Variants in APBB1 observed in about 807,000 individuals in gnomAD.
APBB1 encodes amyloid beta precursor protein binding family B member 1.
A neutral mutation model predicts 78.4 loss-of-function variants in APBB1; 22 were observed. The observed-to-expected ratio is 0.28, with a 90% CI of 0.20 to 0.40. The LOEUF is 0.40. Among genes scored for constraint, APBB1 ranks in the 10% least tolerant of loss-of-function variants. APBB1 has a pLI of 1.00. For missense variants in APBB1, 749 were observed against 932.4 expected (o/e 0.80, Z 2.56); for synonymous variants, 369 against 372.7 (o/e 0.99, Z 0.12).
chr11:6,402,137 G>A lies in APBB1; in HGVS notation c.1327C>T (p.His443Tyr). ...CGGATGCTGATGATGGGTTGGGCGT[G>A]CAGCAGTGCCTGGCTCTGTGGCTCC... ...LVEPQSQALL[H>Y]AQPIISIRVW... The change falls in exon 8 of 15, where the codon CAC (histidine) becomes TAC (tyrosine). Residue 443 changes from histidine (H) to tyrosine (Y), a missense_variant. Physicochemically the swap from His to Tyr is moderately conservative, Grantham distance 83 (BLOSUM62 2). Transcript: ENST00000609360. 6.2e-7 allele frequency: 1 copy of A among 1,614,104 alleles called. No homozygotes were observed. The highest frequency in any genetic ancestry group is 8.5e-7 in the Non-Finnish European group (1 of 1,180,022).
Position 6,411,082 on chromosome 11 carries a change from C to T in APBB1, c.266G>A (p.Arg89His), listed in dbSNP as rs769075968. Residue 89 changes from arginine to histidine, a missense_variant, in exon 2 of 15, where the codon CGC (arginine) becomes CAC (histidine). By Grantham distance (29) the Arg-to-His change is conservative. Coordinates refer to ENST00000609360, the MANE Select transcript of APBB1 (RefSeq NM_001164.5). The surrounding 1 kb of genome is among the most constrained non-coding windows in gnomAD (Gnocchi z 5.2). ...CTCCGCCAAGGTCAAGGTCACATTG[C>T]GATTCTGGTCACGGTGGGCCGTGGC... The part of the protein sequence containing the change: ...RAATAHRDQN[R>H]NVTLTLAEEA... 4.3e-6 allele frequency: 7 copies of T among 1,613,570 alleles called. No homozygotes were observed. Among genetic ancestry groups the T allele is most frequent in the African/African-American group, 1.3e-5 (1 of 75,056 alleles).
At position 6,396,144 on chromosome 11, in the gene APBB1, G is replaced by T; in HGVS notation, c.1744C>A (p.His582Asn). The T allele has an allele frequency of 1.3e-6, 2 of 1,554,230 alleles. No individual in the cohort carries two copies. Among genetic ancestry groups the T allele is most frequent in the Middle Eastern group, 3.3e-4 (2 of 5,986 alleles). ...SSSREQWTPS[H>N]VSVAPATLTI... is the part of the protein sequence containing the mutation. ...AGGGTAGCAGGGGCCACACTGACATGACTTGGGGTCCATTGTTCACGGCTG... is the reference window on the plus strand; with the variant it reads ...AGGGTAGCAGGGGCCACACTGACATTACTTGGGGTCCATTGTTCACGGCTG... The change falls in exon 13 of 15, where the codon CAT becomes AAT. Residue 582 changes from histidine (H) to asparagine (N), a missense_variant. Coordinates refer to ENST00000609360, the MANE Select transcript of APBB1 (RefSeq NM_001164.5).
chr11:6,414,083 C>T (rs930091067), intron 1 of APBB1, among the ~76,000 whole-genome samples: 1 of 151,874 alleles, frequency 6.6e-6, no homozygotes, highest in Non-Finnish European at 1.5e-5. Flanking sequence ...TTCGCAGACA[C>T]CCAAGAGCCC....
At chr11:6,418,494 C>T (rs1046140579) in intron 1 of APBB1, among the ~76,000 whole-genome samples, 14 of 152,224 alleles carry the variant, frequency 9.2e-5, no homozygotes, top group African/African-American at 3.4e-4. Context: ...AGTGGGAAAA[C>T]TGCTTCTAAT....
chr11:6,402,056 C>G, intron 8 of APBB1, 26 bp downstream of exon 8: 2 of 1,612,034 alleles, frequency 1.2e-6, no homozygotes, highest in African/African-American at 1.3e-5. Context: ...GAACTCCCAC[C>G]CTCGAATCCC....
At chr11:6,412,772 C>T (rs1849003974) in intron 1 of APBB1, among the ~76,000 whole-genome samples, 1 of 152,174 alleles carries the variant, frequency 6.6e-6, no homozygotes. Context: ...TCCCCATTTC[C>T]TCCAGGCTTC....
chr11:6,418,288 C>T (rs1040183446), intron 1 of APBB1, among the ~76,000 whole-genome samples: 3 of 152,220 alleles, frequency 2.0e-5, no homozygotes, highest in African/African-American at 7.2e-5. Context: ...ACAAGGAGGT[C>T]TCCGGTGACC....
intron 1 of APBB1, among the ~76,000 whole-genome samples, chr11:6,416,968 T>C (rs1451540858): frequency 6.6e-6 from 1 of 152,206 alleles, no homozygotes; most frequent in Non-Finnish European, 1.5e-5. Context: ...GGTCCTGAAC[T>C]CCTGACCTCA....
intron 2 of APBB1, chr11:6,405,681 C>T: frequency 4.1e-6 from 4 of 985,840 alleles, no homozygotes; most frequent in Non-Finnish European, 4.8e-6. Context: ...CCACAGACAC[C>T]CAAAGAGGAG....
At chr11:6,400,911 A>G in intron 12 of APBB1, 78 bp downstream of exon 12, 1 of 1,311,446 alleles carries the variant, frequency 7.6e-7, no homozygotes, top group Non-Finnish European at 1.1e-6. Context: ...CTGGTAGAAG[A>G]AGTATTGGAA....
At chr11:6,414,259 C>T (rs963845946) in intron 1 of APBB1, among the ~76,000 whole-genome samples, 2 of 152,150 alleles carry the variant, frequency 1.3e-5, no homozygotes, top group African/African-American at 4.8e-5. Flanking sequence ...TTCTGTCTCC[C>T]CTTGTGAGAA....
intron 7 of APBB1, 52 bp from the exon 8 acceptor site, chr11:6,402,261 G>C (rs567409959): frequency 6.2e-7 from 1 of 1,603,304 alleles, no homozygotes; most frequent in Non-Finnish European, 8.5e-7. Flanking sequence ...GATGGTGGCT[G>C]ATCTCTGACC....
chr11:6,416,549 G>A (rs920265612), intron 1 of APBB1, among the ~76,000 whole-genome samples: 4 of 152,076 alleles, frequency 2.6e-5, no homozygotes, highest in African/African-American at 9.7e-5. Context: ...TCAGGATCCC[G>A]GCTCATGGAA....
Position 6,410,531 on chromosome 11 carries a change from C to G in APBB1, c.721+96G>C, listed in dbSNP as rs975587724. The G allele has an allele frequency of 7.8e-6, 9 of 1,151,698 alleles. No homozygotes were observed. In the South Asian group the frequency reaches 1.0e-4, roughly 13 times the overall value. 71.3% of individuals were successfully genotyped at this position (1,151,698 alleles called of 1,614,324 possible). A position where few individuals can be genotyped will look rare whatever the true frequency, so the allele number is the denominator to read the frequency against. Reference sequence around the variant, plus strand: ...CTGCTGTGGCCTCAGGGTATGGGCTCTCAGCTCACATCAGGCTGGCACTGG... The same window carrying G: ...CTGCTGTGGCCTCAGGGTATGGGCTGTCAGCTCACATCAGGCTGGCACTGG... On this transcript the variant is annotated intron_variant, in intron 2 of 14. Coordinates refer to ENST00000609360, the MANE Select transcript of APBB1 (RefSeq NM_001164.5).
rs755142230 is a variant in APBB1, at chr11:6,403,537, C to G, written c.905G>C (p.Trp302Ser). 1 of 1,614,220 alleles carries G rather than the reference C, an allele frequency of 6.2e-7. No individual in the cohort carries two copies. Residue 302 changes from tryptophan to serine, a missense_variant, in exon 4 of 15, where the codon TGG becomes TCG. Trp to Ser is a radical substitution (Grantham distance 177). Transcript: ENST00000609360. The surrounding 1 kb of genome is among the most constrained non-coding windows in gnomAD (Gnocchi z 5.3). ...SSPQEESQLT[W>S]TGFAHGEGFE... ...GCCTTCTCCATGAGCAAAACCTGTC[C>G]AGGTGAGCTAGGAGGAGGGATGGGA...
intron 12 of APBB1, among the ~76,000 whole-genome samples, chr11:6,398,651 A>G (rs1848349675): frequency 6.6e-6 from 1 of 152,218 alleles, no homozygotes; most frequent in South Asian, 2.1e-4. Context: ...GAGGACGAGA[A>G]GGAGGAAAGC....
chr11:6,405,578 G>A, intron 2 of APBB1: 1 of 986,034 alleles, frequency 1.0e-6, no homozygotes, highest in Non-Finnish European at 1.2e-6. Flanking sequence ...GCAGGGCTGG[G>A]AGTGGGCGTG....
chr11:6,419,217 C>G (rs1849199492), upstream of APBB1: 1 of 301,846 alleles, frequency 3.3e-6, no homozygotes, highest in Non-Finnish European at 6.1e-6. Context: ...GGGGGCCTCA[C>G]CCTGCGGGCG....
rs936613636 is a variant in APBB1, at chr11:6,411,619, T to C, written c.-14-258A>G. On this transcript the variant is annotated intron_variant, in intron 1 of 14. Coordinates refer to ENST00000609360, the MANE Select transcript of APBB1 (RefSeq NM_001164.5). This position sits in a 1 kb window ranked among gnomAD's most constrained non-coding sequence, Gnocchi z 5.2. ...CCTGAGCTTTCTGGGATGGCACAGC[T>C]GGCGCCTGCCCTCGGTCCCACCAGC... 1.3e-5 allele frequency among the ~76,000 whole-genome samples: 2 copies of C among 151,992 alleles called. No individual in the cohort carries two copies. Among genetic ancestry groups the C allele is most frequent in the African/African-American group, 4.8e-5 (2 of 41,358 alleles).
Sources: allele counts gnomAD v4.1 joint callset (sites outside exome capture counted in the v4.1 genomes callset), GRCh38; gene constraint gnomAD v4.1.1; non-coding constraint Gnocchi (gnomAD v3.1); transcripts MANE v1.5; gene names NCBI Gene and HGNC (gene_info 2026-07-23, HGNC 2026-07-21).